Variants in IFTAP observed in about 807,000 individuals in gnomAD.
The protein encoded by IFTAP is intraflagellar transport associated protein, also known as intraflagellar transport-associated protein.
Under a neutral mutation model 19.4 loss-of-function variants are expected in IFTAP, and 19 were observed. The ratio of observed to expected loss-of-function variants is 0.98; its 90% CI spans 0.68 to 1.44. The LOEUF is 1.44. Ranked by LOEUF, IFTAP falls within the 40% of genes most tolerant of loss-of-function variation. The pLI, the probability that IFTAP is intolerant of heterozygous loss-of-function variation, is 0.00. For missense variants in IFTAP, 240 were observed against 253.6 expected (o/e 0.95, Z 0.36); for synonymous variants, 85 against 83.5 (o/e 1.02, Z -0.10).
chr11:36,626,551 A>G, intron 2 of IFTAP, among the ~76,000 whole-genome samples: 1 of 151,386 alleles, frequency 6.6e-6, no homozygotes, highest in Admixed American at 6.5e-5. Flanking sequence ...TGGAGAATGA[A>G]CATTTTACTT....
intron 5 of IFTAP, among the ~76,000 whole-genome samples, chr11:36,655,779 T>A (rs925548721): frequency 4.6e-5 from 7 of 152,172 alleles, no homozygotes; most frequent in Non-Finnish European, 8.8e-5. Context: ...AACCCTTAAT[T>A]TCTTAGTGAA....
At chr11:36,627,210 C>T (rs1350730665) in intron 2 of IFTAP, among the ~76,000 whole-genome samples, 1 of 151,040 alleles carries the variant, frequency 6.6e-6, no homozygotes, top group African/African-American at 2.5e-5. Flanking sequence ...TGCAGATGGG[C>T]TCCAGGCACC....
intron 4 of IFTAP, among the ~76,000 whole-genome samples, chr11:36,640,162 T>C (rs997325008): frequency 2.0e-5 from 3 of 152,154 alleles, no homozygotes; most frequent in African/African-American, 7.2e-5. Context: ...TAGGAACCCC[T>C]CAGAAACCCT....
In IFTAP at chr11:36,629,522, G is replaced by C. The variant is rs1852649092; in HGVS notation, c.137-3762G>C. On this transcript the variant is annotated intron_variant, in intron 2 of 5. Transcript: ENST00000334307. ...TCTGTGAAAATTCTCCTGCAAGTGTGATAATGCTTCTCATTGCATGGGCAC... is the reference window on the plus strand; with the variant it reads ...TCTGTGAAAATTCTCCTGCAAGTGTCATAATGCTTCTCATTGCATGGGCAC... 2.0e-5 allele frequency among the ~76,000 whole-genome samples: 3 copies of C among 151,570 alleles called. No individual in the cohort carries two copies. The South Asian group carries it at 6.2e-4, about 31-fold the overall frequency.
chr11:36,609,992 T>C (rs1670187032), intron 1 of IFTAP, 89 bp from the exon 2 acceptor site: 2 of 1,201,648 alleles, frequency 1.7e-6, no homozygotes, highest in Non-Finnish European at 2.4e-6. Flanking sequence ...TTTTGGAGCC[T>C]TGGAATTTTT....
At chr11:36,600,999 G>A (rs149364531) in intron 1 of IFTAP, among the ~76,000 whole-genome samples, 5 of 152,296 alleles carry the variant, frequency 3.3e-5, no homozygotes, top group Admixed American at 1.3e-4. Flanking sequence ...GATATGATGG[G>A]TTGGAGGGAG....
intron 4 of IFTAP, among the ~76,000 whole-genome samples, chr11:36,646,628 AT>A (rs150804083): frequency 0.017 from 2,656 of 152,264 alleles, 69 homozygotes; most frequent in African/African-American, 0.06. Context: ...AAAAATGCTT[AT>A]TTAAAGAAAG....
intron 1 of IFTAP, chr11:36,598,264 T>G (rs1391579970): frequency 6.6e-6 from 1 of 152,100 alleles, no homozygotes; most frequent in Non-Finnish European, 1.5e-5. Context: ...GATGTTCTTA[T>G]GAACACTGAT....
chr11:36,644,743 G>A (rs554430439), intron 4 of IFTAP, among the ~76,000 whole-genome samples: 7 of 150,364 alleles, frequency 4.7e-5, no homozygotes, highest in African/African-American at 7.3e-5. Flanking sequence ...GCAAACTATC[G>A]TAAGGATAAA....
chr11:36,648,247 A>G, intron 5 of IFTAP, 92 bp downstream of exon 5: 1 of 1,432,842 alleles, frequency 7.0e-7, no homozygotes, highest in South Asian at 1.5e-5. Flanking sequence ...GTATTTTTCT[A>G]ACATTTGGGA....
chr11:36,621,181 A>G (rs1852276434), intron 2 of IFTAP, among the ~76,000 whole-genome samples: 1 of 152,028 alleles, frequency 6.6e-6, no homozygotes. Context: ...TGTTCCACTC[A>G]AAACTGAGGT....
At chr11:36,656,565 G>A (rs1423200663) in intron 5 of IFTAP, among the ~76,000 whole-genome samples, 1 of 148,086 alleles carries the variant, frequency 6.8e-6, no homozygotes, top group Non-Finnish European at 1.5e-5. Flanking sequence ...GGGAGTCTCT[G>A]TTTAAAAAAA....
At chr11:36,626,564 C>G (rs1355681136) in intron 2 of IFTAP, among the ~76,000 whole-genome samples, 1 of 151,288 alleles carries the variant, frequency 6.6e-6, no homozygotes, top group African/African-American at 2.5e-5. Flanking sequence ...TTTTACTTTA[C>G]AGGAACTGTG....
chr11:36,617,382 A>G (rs7926684), intron 2 of IFTAP, among the ~76,000 whole-genome samples: 17,177 of 151,756 alleles, frequency 0.11, 1,144 homozygotes, highest in African/African-American at 0.17. Flanking sequence ...ATGAAAGTAT[A>G]GATTTCCAGG....
chr11:36,621,499 G>C (rs1214876813), intron 2 of IFTAP, among the ~76,000 whole-genome samples: 1 of 151,928 alleles, frequency 6.6e-6, no homozygotes, highest in Admixed American at 6.6e-5. Context: ...TTAGCACAGA[G>C]AGGAATCATT....
chr11:36,616,912 A>T (rs987124728), intron 2 of IFTAP, among the ~76,000 whole-genome samples: 2 of 151,748 alleles, frequency 1.3e-5, no homozygotes, highest in African/African-American at 4.8e-5. Flanking sequence ...AAAACTTTAA[A>T]AGGTGTTTGG....
chr11:36,596,981 C>G (rs1417798543), intron 1 of IFTAP, among the ~76,000 whole-genome samples: 1 of 152,074 alleles, frequency 6.6e-6, no homozygotes, highest in African/African-American at 2.4e-5. Flanking sequence ...ACCTGTTTTC[C>G]CTTTGATGCT....
Position 36,610,181 on chromosome 11 carries a change from T to C in IFTAP, c.78T>C (p.Asn26=), listed in dbSNP as rs950914644. The change falls in exon 2 of 6, where the codon AAT becomes AAC. Residue 26 remains asparagine, a synonymous_variant. Coordinates refer to ENST00000334307, the MANE Select transcript of IFTAP (RefSeq NM_138787.4). ...AAGACGTCTTGGATAAATTCCTTAA[T>C]TGTCATGAGCAAACATATGATGAAG... ...LIKDVLDKFL[N]CHEQTYDEEF... 1.9e-6 allele frequency: 3 copies of C among 1,610,694 alleles called. No homozygotes were observed. The highest frequency in any genetic ancestry group is 2.5e-6 in the Non-Finnish European group (3 of 1,177,074).
chr11:36,601,398 A>G (rs1161815015), intron 1 of IFTAP, among the ~76,000 whole-genome samples: 5 of 152,216 alleles, frequency 3.3e-5, no homozygotes, highest in Non-Finnish European at 5.9e-5. Flanking sequence ...GAAGAACATG[A>G]CAAGTGACTT....
Sources: allele counts gnomAD v4.1 joint callset (sites outside exome capture counted in the v4.1 genomes callset), GRCh38; gene constraint gnomAD v4.1.1; transcripts MANE v1.5; gene names NCBI Gene and HGNC (gene_info 2026-07-23, HGNC 2026-07-21).